The following CEP128 variants were observed in gnomAD, a reference collection of about 807,000 sequenced individuals.
CEP128 encodes the protein centrosomal protein 128, also known as centrosomal protein 128kDa.
Under a neutral mutation model 156.7 loss-of-function variants are expected in CEP128, and 132 were observed. The ratio of observed to expected loss-of-function variants is 0.84; its 90% CI spans 0.73 to 0.97. CEP128 has a LOEUF of 0.97. Among genes scored for constraint, CEP128 ranks in the 50% least tolerant of loss-of-function variants. The pLI is 0.00. For synonymous variants in CEP128, 469 were observed against 448.9 expected (o/e 1.04, Z -0.57); for missense variants, 1,252 against 1,281.9 (o/e 0.98, Z 0.36).
At chr14:80,638,042 A>G (rs1024587965) in intron 19 of CEP128, among the ~76,000 whole-genome samples, 10 of 152,134 alleles carry the variant, frequency 6.6e-5, no homozygotes, top group Non-Finnish European at 1.2e-4. Context: ...GACAGGATAC[A>G]TTTCTGTTCT....
At chr14:80,817,609 G>A (rs181380420) in intron 13 of CEP128, among the ~76,000 whole-genome samples, 7 of 152,284 alleles carry the variant, frequency 4.6e-5, no homozygotes, top group South Asian at 2.1e-4. Flanking sequence ...GAGGCCGGGC[G>A]CAGTGGCTCA....
chr14:80,487,048 G>A (rs1271179702), downstream of CEP128, among the ~76,000 whole-genome samples: 2 of 152,172 alleles, frequency 1.3e-5, no homozygotes, highest in East Asian at 3.9e-4. Flanking sequence ...ATGTAAATGG[G>A]CTAAATGCTC....
intron 19 of CEP128, among the ~76,000 whole-genome samples, chr14:80,679,215 A>G (rs1306738134): frequency 6.6e-6 from 1 of 152,182 alleles, no homozygotes; most frequent in Admixed American, 6.5e-5. Flanking sequence ...TTGAAAATGA[A>G]CAGAATAACA....
chr14:80,625,214 G>A (rs781357732), intron 19 of CEP128, among the ~76,000 whole-genome samples: 21 of 152,088 alleles, frequency 1.4e-4, no homozygotes, highest in Non-Finnish European at 3.1e-4. Flanking sequence ...AGACACATTG[G>A]GGAATGTATG....
chr14:80,588,326 G>A (rs1022886903), intron 19 of CEP128, among the ~76,000 whole-genome samples: 4 of 152,068 alleles, frequency 2.6e-5, no homozygotes, highest in South Asian at 2.1e-4. Context: ...CAGACAGTAC[G>A]TACCCATGTA....
intron 10 of CEP128, among the ~76,000 whole-genome samples, chr14:80,839,452 G>A (rs1451922288): frequency 6.6e-6 from 1 of 152,008 alleles, no homozygotes; most frequent in Non-Finnish European, 1.5e-5. Flanking sequence ...TCCTGACGGT[G>A]GTAGTGGTAA....
chr14:80,490,681 T>A (rs1011146354), exon 7 of CEP128: 4 of 152,114 alleles, frequency 2.6e-5, no homozygotes, highest in African/African-American at 9.7e-5. Context: ...CTTTAAGACC[T>A]CCACTTGGGT....
chr14:80,778,572 C>T (rs1393877812), intron 15 of CEP128, among the ~76,000 whole-genome samples: 1 of 152,110 alleles, frequency 6.6e-6, no homozygotes, highest in Non-Finnish European at 1.5e-5. Flanking sequence ...ATCAATACTA[C>T]TCTTATGGGG....
rs181103796 is a variant in CEP128, at chr14:80,893,223, C to T, written c.645+2495G>A. Reference sequence around the variant, plus strand: ...ATTATGCTAAGTGAAATAAGCCAGACACAGAAAGAAAAATATTGCATGATC... The same window carrying T: ...ATTATGCTAAGTGAAATAAGCCAGATACAGAAAGAAAAATATTGCATGATC... On this transcript the variant is annotated intron_variant, in intron 8 of 24. Coordinates refer to ENST00000555265, the MANE Select transcript of CEP128 (RefSeq NM_152446.5). 1.2e-4 allele frequency among the ~76,000 whole-genome samples: 18 copies of T among 151,912 alleles called. No individual in the cohort carries two copies. In the East Asian group the frequency reaches 3.5e-3, roughly 29 times the overall value.
At chr14:80,822,850 A>T in intron 13 of CEP128, 1 of 688,692 alleles carries the variant, frequency 1.5e-6, no homozygotes, top group Non-Finnish European at 2.7e-6. Context: ...ACAGTTTGAA[A>T]TACTATTTTT....
chr14:80,916,678 C>A, intron 2 of CEP128, 116 bp from the exon 3 acceptor site: 1 of 770,696 alleles, frequency 1.3e-6, no homozygotes, highest in East Asian at 2.8e-5. Context: ...AGTAATTTTG[C>A]ACACTGTAAT....
At chr14:80,946,110 G>A (rs1163886064), upstream of CEP128, among the ~76,000 whole-genome samples, 3 of 152,016 alleles carry the variant, frequency 2.0e-5, no homozygotes, top group Non-Finnish European at 4.4e-5. Context: ...CATGTGTAGA[G>A]GTGTTTGGGG....
chr14:80,857,745 AACAACAACAAC>A (rs1425747442), intron 9 of CEP128, among the ~76,000 whole-genome samples: 38 of 140,026 alleles, frequency 2.7e-4, no homozygotes, highest in South Asian at 1.8e-3. Context: ...AAAAAAAAAC[AACAACAACAAC>A]AACAACAACA....
intron 13 of CEP128, among the ~76,000 whole-genome samples, chr14:80,796,038 A>G (rs189175645): frequency 6.6e-6 from 1 of 152,292 alleles, no homozygotes; most frequent in Non-Finnish European, 1.5e-5. Context: ...CCATGTACTC[A>G]TCTTCCTCTT....
At chr14:80,514,410 ATT>A (rs529317284) in intron 23 of CEP128, among the ~76,000 whole-genome samples, 51 of 145,396 alleles carry the variant, frequency 3.5e-4, no homozygotes, top group African/African-American at 1.2e-3. Flanking sequence ...GTACTTCATT[ATT>A]TTTTTTTTTG....
At chr14:80,569,457 G>A (rs758218848) in intron 20 of CEP128, among the ~76,000 whole-genome samples, 5 of 152,138 alleles carry the variant, frequency 3.3e-5, no homozygotes, top group African/African-American at 1.2e-4. Flanking sequence ...AGCCTCACCT[G>A]GGCAGTTTTC....
At chr14:80,519,707 GGCT>G (rs930208028) in intron 23 of CEP128, among the ~76,000 whole-genome samples, 9 of 152,196 alleles carry the variant, frequency 5.9e-5, no homozygotes, top group Admixed American at 5.2e-4. Context: ...CCATCTGTGT[GGCT>G]GCTATTTTAC....
intron 19 of CEP128, among the ~76,000 whole-genome samples, chr14:80,617,597 T>C (rs1270438358): frequency 7.9e-5 from 12 of 152,004 alleles, no homozygotes; most frequent in Admixed American, 7.9e-4. Context: ...ACTCACAAGA[T>C]TGTTGTAAGC....
intron 18 of CEP128, among the ~76,000 whole-genome samples, chr14:80,751,839 C>T (rs1453199948): frequency 6.6e-6 from 1 of 152,056 alleles, no homozygotes; most frequent in Non-Finnish European, 1.5e-5. Context: ...TCATGTTGGT[C>T]AGGCTGGTCT....
Sources: allele counts gnomAD v4.1 joint callset (sites outside exome capture counted in the v4.1 genomes callset), GRCh38; gene constraint gnomAD v4.1.1; transcripts MANE v1.5; gene names NCBI Gene and HGNC (gene_info 2026-07-23, HGNC 2026-07-21).